Variants in DST observed in about 807,000 individuals in gnomAD.
DST encodes the protein bullous pemphigoid antigen.
Under a neutral mutation model 875.2 loss-of-function variants are expected in DST, and 253 were observed. The ratio of observed to expected loss-of-function variants is 0.29; its 90% CI spans 0.26 to 0.32. DST has a LOEUF of 0.32. DST is among the 10% of genes least tolerant of loss of function. DST has a pLI of 1.00. For missense variants in DST, 8,287 were observed against 9,111.6 expected, an observed-to-expected ratio of 0.91 and a Z score of 3.68; for synonymous variants, 3,124 against 3,197.1, an observed-to-expected ratio of 0.98 and a Z score of 0.77.
At chr6:56,567,429 T>TAAAAAAA (rs61119609) in intron 55 of DST, among the ~76,000 whole-genome samples, 1 of 104,860 alleles carries the variant, frequency 9.5e-6, no homozygotes, top group African/African-American at 3.9e-5. Context: ...TTACCAAGAG[T>TAAAAAAA]AAAAAAAAAA....
chr6:56,902,378 CATA>C (rs1247271459), intron 2 of DST, among the ~76,000 whole-genome samples: 1 of 152,148 alleles, frequency 6.6e-6, no homozygotes, highest in Non-Finnish European at 1.5e-5. Context: ...TGAGAAAAGG[CATA>C]ATAATGATTC....
chr6:56,634,571 G>T lies in DST; in HGVS notation c.3385C>A (p.His1129Asn), dbSNP rs376394935. The change falls in exon 26 of 104, where the codon CAT becomes AAT. Residue 1129 changes from histidine (H) to asparagine (N), a missense_variant. Around this residue, in one of 10 missense-constraint regions of DST, gnomAD observed 1,160 missense variants for 1,424.3 expected, o/e 0.81. Transcript: ENST00000680361. ...CTAATGACCTTCCATTTAGCACGAT[G>T]AGAGTTATTCGCCAAAACACATTCA... ...DDECVLANNS[H>N]RAKWKVISPT... 3.0e-4 allele frequency: 491 copies of T among 1,614,062 alleles called. No homozygotes were observed. The highest frequency in any genetic ancestry group is 4.0e-4 in the Non-Finnish European group (476 of 1,180,032).
intron 92 of DST, among the ~76,000 whole-genome samples, chr6:56,474,892 G>C (rs1271317639): frequency 1.3e-5 from 2 of 148,342 alleles, no homozygotes; most frequent in African/African-American, 5.0e-5. Flanking sequence ...CTAGGAGCTT[G>C]AGGCTGCAGT....
At position 56,790,253 on chromosome 6, in the gene DST, T is replaced by C. The variant is rs80331152; in HGVS notation, c.626-54964A>G. ...ATTTCTCATTTATATAGTTACTATC[T>C]ACTATGATAGATAGTAAGTTTTATC... On this transcript the variant is annotated intron_variant, in intron 4 of 103. Transcript: ENST00000680361. Among the ~76,000 whole-genome samples the C allele has an allele frequency of 6.0e-3, 908 of 152,322 alleles. 2 individuals carry two copies. Among genetic ancestry groups the C allele is most frequent in the Middle Eastern group, 0.031 (9 of 294 alleles).
chr6:56,559,067 T>A (rs1018843619), intron 58 of DST, among the ~76,000 whole-genome samples: 4 of 152,112 alleles, frequency 2.6e-5, no homozygotes, highest in Admixed American at 2.6e-4. Flanking sequence ...GAGTTTTCAT[T>A]TAGCATAACA....
chr6:56,559,449 C>T (rs2097497535), intron 58 of DST, among the ~76,000 whole-genome samples: 1 of 151,986 alleles, frequency 6.6e-6, no homozygotes, highest in African/African-American at 2.4e-5. Flanking sequence ...TTAGAGATTT[C>T]TACATTTATC....
At chr6:56,715,892 C>T (rs959744415) in intron 5 of DST, among the ~76,000 whole-genome samples, 1 of 152,180 alleles carries the variant, frequency 6.6e-6, no homozygotes, top group Non-Finnish European at 1.5e-5. Context: ...TTCCTATACG[C>T]CCCCCTTCCC....
At chr6:56,718,194 T>G (rs985823815) in intron 5 of DST, among the ~76,000 whole-genome samples, 2 of 152,142 alleles carry the variant, frequency 1.3e-5, no homozygotes, top group Admixed American at 6.6e-5. Flanking sequence ...CACTGTACCC[T>G]ATCCTAGGTG....
intron 5 of DST, among the ~76,000 whole-genome samples, chr6:56,730,625 A>C (rs1362443639): frequency 6.6e-6 from 1 of 152,220 alleles, no homozygotes; most frequent in Non-Finnish European, 1.5e-5. Flanking sequence ...AAATTTAGCT[A>C]ACTGAAGACA....
At chr6:56,735,707 T>C (rs534334318) in intron 4 of DST, among the ~76,000 whole-genome samples, 1 of 152,196 alleles carries the variant, frequency 6.6e-6, no homozygotes. Flanking sequence ...AACCAAGACT[T>C]AACGAGGATA....
intron 4 of DST, among the ~76,000 whole-genome samples, chr6:56,796,825 G>A (rs1023969005): frequency 6.6e-6 from 1 of 151,886 alleles, no homozygotes; most frequent in Non-Finnish European, 1.5e-5. Context: ...AAGGAAGGGA[G>A]GGGACTATAA....
intron 25 of DST, 35 bp from the exon 26 acceptor site, chr6:56,634,651 G>A (rs2098810101): frequency 6.2e-7 from 1 of 1,613,138 alleles, no homozygotes; most frequent in Non-Finnish European, 8.5e-7. Context: ...AACTCAATGA[G>A]GTCACTGTTA....
intron 4 of DST, among the ~76,000 whole-genome samples, chr6:56,826,081 CAT>C (rs1240556005): frequency 9.9e-5 from 15 of 152,210 alleles, no homozygotes; most frequent in Admixed American, 2.6e-4. Flanking sequence ...CAATATTACA[CAT>C]GTCTGAATTA....
chr6:56,593,516 C>CCAAAAAAAAAAAAAAAA (rs766214285), intron 48 of DST, 147 bp downstream of exon 48: 2 of 277,526 alleles, frequency 7.2e-6, no homozygotes, highest in African/African-American at 8.1e-5. Context: ...GACTCCTTCT[C>CCAAAAAAAAAAAAAAAA]AAAAAAAAAA....
chr6:56,908,879 T>A (rs1222015386), intron 2 of DST, among the ~76,000 whole-genome samples: 1 of 152,236 alleles, frequency 6.6e-6, no homozygotes, highest in Non-Finnish European at 1.5e-5. Context: ...GTAGTTACCC[T>A]ATATGGTCTA....
intron 12 of DST, 42 bp from the exon 13 acceptor site, chr6:56,648,731 A>G (rs2098958351): frequency 4.0e-6 from 6 of 1,489,172 alleles, no homozygotes; most frequent in Non-Finnish European, 5.4e-6. Context: ...ATCTGTAGAT[A>G]ATAACATTCA....
At chr6:56,562,677 G>T (rs1025709668) in intron 55 of DST, among the ~76,000 whole-genome samples, 2 of 151,956 alleles carry the variant, frequency 1.3e-5, no homozygotes, top group South Asian at 4.2e-4. Context: ...ATGCCATGGA[G>T]GTTTGCTGCA....
intron 36 of DST, among the ~76,000 whole-genome samples, chr6:56,622,569 C>CAAA (rs61514901): frequency 2.1e-4 from 14 of 65,740 alleles, no homozygotes; most frequent in Non-Finnish European, 3.0e-4. Context: ...AGATCCGTCT[C>CAAA]AAAAAAAAAA....
At position 56,703,648 on chromosome 6, in the gene DST, C is replaced by A. The variant is rs1454298569; in HGVS notation, c.876G>T (p.Gly292=). The A allele has an allele frequency of 1.0e-6, 1 of 982,426 alleles. No individual in the cohort carries two copies. The highest frequency in any genetic ancestry group is 1.2e-6 in the Non-Finnish European group (1 of 827,398). The allele number at this position is 982,426 out of a possible 1,614,324, so 60.9% of individuals were successfully genotyped here. The change falls in exon 7 of 104, where the codon GGG becomes GGT. Residue 292 remains glycine (G), a splice_region_variant and synonymous_variant. Transcript: ENST00000680361. ...QHEDVEDEDK[G]PREKGRMRFH... The stretch of plus-strand genomic sequence containing the variant: ...GTCAAGTTATGGGGGCGACACCTAC[C>A]CCCTTATCCTCATCCTCCACATCCT...
Sources: gnomAD v4.1 joint callset for allele counts (sites outside exome capture counted in the v4.1 genomes callset) on GRCh38, gnomAD v4.1.1 for gene constraint, gnomAD v4.1.1 regional missense constraint, MANE v1.5 for transcripts, NCBI Gene and HGNC (gene_info 2026-07-23, HGNC 2026-07-21) for gene names.